TBC1D5: variants seen among roughly 807,000 people sequenced by gnomAD.
TBC1D5 encodes TBC1 domain family, member 5.
A neutral mutation model predicts 100.3 loss-of-function variants in TBC1D5; 75 were observed. That is an observed-to-expected ratio of 0.75 (90% CI 0.62 to 0.91). The LOEUF (loss-of-function observed/expected upper bound fraction) is 0.91. Among genes scored for constraint, TBC1D5 ranks in the 40% least tolerant of loss-of-function variants. The pLI is 0.00. For synonymous variants in TBC1D5, 323 were observed against 325.6 expected (o/e 0.99, Z 0.09); for missense variants, 910 against 942.4 (o/e 0.97, Z 0.45).
intron 18 of TBC1D5, among the ~76,000 whole-genome samples, chr3:17,189,224 C>G (rs1441704708): frequency 1.3e-5 from 2 of 152,164 alleles, no homozygotes; most frequent in East Asian, 3.8e-4. Flanking sequence ...CAAGTTAAGA[C>G]AGTGAAATGG....
At chr3:17,175,398 C>G (rs1327299834) in intron 19 of TBC1D5, among the ~76,000 whole-genome samples, 1 of 152,206 alleles carries the variant, frequency 6.6e-6, no homozygotes, top group Non-Finnish European at 1.5e-5. Flanking sequence ...TCTCCTAGCA[C>G]TTATCACCCT....
At chr3:17,265,357 C>T (rs990246416) in intron 15 of TBC1D5, among the ~76,000 whole-genome samples, 1 of 152,072 alleles carries the variant, frequency 6.6e-6, no homozygotes, top group Non-Finnish European at 1.5e-5. Context: ...AATTACTTAG[C>T]TTTCTTTCCC....
intron 1 of TBC1D5, among the ~76,000 whole-genome samples, chr3:17,738,072 T>G (rs2077099787): frequency 6.6e-6 from 1 of 152,226 alleles, no homozygotes; most frequent in Non-Finnish European, 1.5e-5. Context: ...TTTCACACCA[T>G]CACCAAAGAC....
At position 17,696,624 on chromosome 3, in the gene TBC1D5, CA is replaced by C. The variant is rs1211170874; in HGVS notation, c.-101+42718del. ...AGGCAATAATTAACAGCCTACCAACCAAAAAAAAGTCCAGGACCAGACGGAT... is the reference window on the plus strand; with the variant it reads ...AGGCAATAATTAACAGCCTACCAACCAAAAAAAGTCCAGGACCAGACGGAT... On this transcript the variant is annotated intron_variant, in intron 1 of 21. Coordinates refer to ENST00000253692, the Ensembl canonical transcript of TBC1D5. Among the ~76,000 whole-genome samples the C allele has an allele frequency of 3.3e-5, 5 of 151,740 alleles. No individual in the cohort carries two copies. In the East Asian group the frequency reaches 7.8e-4, roughly 24 times the overall value.
intron 14 of TBC1D5, among the ~76,000 whole-genome samples, chr3:17,297,107 T>A (rs1440386662): frequency 6.6e-6 from 1 of 152,216 alleles, no homozygotes; most frequent in Admixed American, 6.5e-5. Context: ...GGCTAGTGTG[T>A]GAGCAGAGAA....
At chr3:17,338,903 AG>A (rs1671196836) in intron 13 of TBC1D5, among the ~76,000 whole-genome samples, 1 of 152,240 alleles carries the variant, frequency 6.6e-6, no homozygotes, top group African/African-American at 2.4e-5. Context: ...ATAAGATCCA[AG>A]ATGGGCAGAT....
At chr3:17,296,483 T>C (rs1371129430) in intron 14 of TBC1D5, among the ~76,000 whole-genome samples, 4 of 152,182 alleles carry the variant, frequency 2.6e-5, no homozygotes, top group East Asian at 1.9e-4. Context: ...TAAGTACAAA[T>C]GGCAAGAAAC....
At chr3:17,679,456 G>A (rs1482709192) in intron 1 of TBC1D5, among the ~76,000 whole-genome samples, 1 of 151,450 alleles carries the variant, frequency 6.6e-6, no homozygotes, top group Admixed American at 6.6e-5. Context: ...TGACAATCAT[G>A]AATTTTTTAA....
At chr3:17,693,598 G>A (rs1440955742) in intron 1 of TBC1D5, among the ~76,000 whole-genome samples, 1 of 152,236 alleles carries the variant, frequency 6.6e-6, no homozygotes, top group Non-Finnish European at 1.5e-5. Context: ...ACTGGGCGGA[G>A]CCCACTGCAG....
rs9829692 is a variant in TBC1D5 at position 17,203,848 on chromosome 3, A to G, written c.1752+10359T>C. ...CTTTATAAATTACCCAGTCTCAGGT[A>G]GTTCCTGATAGCAATAAGAGAATGG... is the stretch of plus-strand genomic sequence containing the variant. On this transcript the variant is annotated intron_variant, in intron 18 of 21. Transcript: ENST00000253692. Among the ~76,000 whole-genome samples, 144 of 152,322 alleles carry G rather than the reference A, an allele frequency of 9.5e-4. 1 individual carries two copies. The highest frequency in any genetic ancestry group is 3.3e-3 in the African/African-American group (136 of 41,562).
intron 2 of TBC1D5, among the ~76,000 whole-genome samples, chr3:17,562,739 G>T (rs538973563): frequency 2.0e-5 from 3 of 152,162 alleles, no homozygotes; most frequent in African/African-American, 7.2e-5. Context: ...GGCAAATCAA[G>T]ATGCACAACA....
At chr3:17,445,579 G>A (rs913918963) in intron 3 of TBC1D5, among the ~76,000 whole-genome samples, 13 of 152,066 alleles carry the variant, frequency 8.5e-5, no homozygotes, top group African/African-American at 3.1e-4. Context: ...TACCTGCAGT[G>A]AACCATGGTC....
intron 2 of TBC1D5, among the ~76,000 whole-genome samples, chr3:17,576,713 G>A (rs184938212): frequency 6.6e-5 from 10 of 152,016 alleles, no homozygotes; most frequent in Admixed American, 1.3e-4. Flanking sequence ...ATAGTAGCAC[G>A]TGTATACACA....
chr3:17,459,437 G>T (rs1164566654), intron 3 of TBC1D5, among the ~76,000 whole-genome samples: 1 of 152,234 alleles, frequency 6.6e-6, no homozygotes, highest in Non-Finnish European at 1.5e-5. Context: ...TCACTTGTCT[G>T]TCGCTCACCT....
At chr3:17,616,365 T>C (rs1174142365) in intron 2 of TBC1D5, among the ~76,000 whole-genome samples, 1 of 152,112 alleles carries the variant, frequency 6.6e-6, no homozygotes, top group Admixed American at 6.5e-5. Context: ...GCATATTCTG[T>C]TGAGTTGGGG....
intron 21 of TBC1D5, among the ~76,000 whole-genome samples, chr3:17,163,255 AC>A (rs56069331): frequency 7.4e-4 from 102 of 138,558 alleles, no homozygotes; most frequent in Non-Finnish European, 9.9e-4. Flanking sequence ...TCTTTTATTG[AC>A]CCCCCCCCCT....
chr3:17,596,205 T>G (rs376061168), intron 2 of TBC1D5, among the ~76,000 whole-genome samples: 1 of 152,166 alleles, frequency 6.6e-6, no homozygotes, highest in African/African-American at 2.4e-5. Context: ...CCTAAAACTT[T>G]AGTGTGCATA....
At chr3:17,292,889 T>C (rs1009598644) in intron 14 of TBC1D5, among the ~76,000 whole-genome samples, 2 of 152,220 alleles carry the variant, frequency 1.3e-5, no homozygotes, top group African/African-American at 4.8e-5. Context: ...AGAAAACAAC[T>C]GTGATTCAAT....
intron 13 of TBC1D5, among the ~76,000 whole-genome samples, chr3:17,318,239 AG>A (rs2084943537): frequency 1.7e-5 from 1 of 60,070 alleles, no homozygotes; most frequent in Non-Finnish European, 3.0e-5. Flanking sequence ...GGGTGGGGGG[AG>A]GGGGGAGGGA....
Sources: allele counts gnomAD v4.1 joint callset (sites outside exome capture counted in the v4.1 genomes callset), GRCh38; gene constraint gnomAD v4.1.1; transcripts MANE v1.5; gene names NCBI Gene and HGNC (gene_info 2026-07-23, HGNC 2026-07-21).